Variants in DTNA observed in about 807,000 individuals in gnomAD.
The protein encoded by DTNA is dystrobrevin alpha.
DTNA carries 43 observed loss-of-function variants against 100.7 expected under a neutral mutation model. The observed-to-expected ratio is 0.43, with a 90% CI of 0.33 to 0.55. The LOEUF (loss-of-function observed/expected upper bound fraction) is 0.55, where lower values mean the gene tolerates loss of function less well. Ranked by LOEUF, DTNA falls within the 20% of genes least tolerant of loss-of-function variation. The probability of loss-of-function intolerance (pLI) is 0.04; values close to 1 mark genes in which losing one functional copy is unlikely to be tolerated. For missense variants in DTNA, 798 were observed against 953.9 expected (o/e 0.84, Z 2.15); for synonymous variants, 349 against 347.9 (o/e 1.00, Z -0.04).
At chr18:34,753,103 A>G (rs1193978143) in intron 1 of DTNA, among the ~76,000 whole-genome samples, 3 of 152,108 alleles carry the variant, frequency 2.0e-5, no homozygotes, top group Non-Finnish European at 2.9e-5. Context: ...TTCAATAAAT[A>G]CTAGCTGGCC....
intron 1 of DTNA, among the ~76,000 whole-genome samples, chr18:34,590,909 C>G (rs1173514040): frequency 6.6e-6 from 1 of 152,148 alleles, no homozygotes; most frequent in African/African-American, 2.4e-5. Flanking sequence ...TGCATCTGGA[C>G]TAATGTTCCT....
chr18:34,712,397 GA>G (rs201456085), intron 1 of DTNA, among the ~76,000 whole-genome samples: 26 of 151,600 alleles, frequency 1.7e-4, no homozygotes, highest in African/African-American at 6.1e-4. Context: ...TAAATAAAAT[GA>G]AAAAAAATCT....
At chr18:34,838,615 C>A in intron 12 of DTNA, 130 bp from the exon 13 acceptor site, 1 of 762,958 alleles carries the variant, frequency 1.3e-6, no homozygotes. Flanking sequence ...TAGCACATCA[C>A]TTACTACCCT....
rs745984418 is a variant in DTNA, at chr18:34,890,347, C to T, written c.*2613C>T. 1.7e-5 allele frequency: 26 copies of T among 1,536,050 alleles called. No individual in the cohort carries two copies. Among genetic ancestry groups the T allele is most frequent in the East Asian group, 4.9e-5 (2 of 40,912 alleles). ...GACTCGAGCACCCCTGTCCTGTAAG[C>T]GAGACAAAATGGCGTGTGTTATTTT... On this transcript the variant is annotated 3_prime_UTR_variant, in exon 23 of 23. Coordinates refer to ENST00000444659, the MANE Select transcript of DTNA (RefSeq NM_001386795.1).
At chr18:34,642,464 C>T (rs1211023115) in intron 1 of DTNA, among the ~76,000 whole-genome samples, 1 of 152,182 alleles carries the variant, frequency 6.6e-6, no homozygotes, top group Non-Finnish European at 1.5e-5. Flanking sequence ...TCACATTCCA[C>T]TTTACTTCAG....
chr18:34,729,752 T>C (rs896950443), intron 1 of DTNA, among the ~76,000 whole-genome samples: 3 of 151,994 alleles, frequency 2.0e-5, no homozygotes, highest in East Asian at 1.9e-4. Flanking sequence ...AAAGAAAAGA[T>C]GGAAGATGGG....
chr18:34,581,890 G>A (rs1310604148), intron 1 of DTNA, among the ~76,000 whole-genome samples: 1 of 152,052 alleles, frequency 6.6e-6, no homozygotes, highest in Non-Finnish European at 1.5e-5. Context: ...CCAAAGTGCT[G>A]GGATTATAGG....
chr18:34,526,460 C>T (rs1435983792), intron 1 of DTNA, among the ~76,000 whole-genome samples: 2 of 151,952 alleles, frequency 1.3e-5, no homozygotes, highest in Non-Finnish European at 1.5e-5. Flanking sequence ...AATGATGGTA[C>T]CTCTATCAAG....
intron 1 of DTNA, among the ~76,000 whole-genome samples, chr18:34,642,680 TC>T (rs1391912471): frequency 1.9e-4 from 29 of 152,028 alleles, no homozygotes; most frequent in Non-Finnish European, 1.5e-5. Context: ...TGCCTTAGCC[TC>T]CCGAGTAGCT....
chr18:34,708,318 A>G (rs149332315), upstream of DTNA: 19 of 152,342 alleles, frequency 1.2e-4, no homozygotes, highest in South Asian at 2.5e-3. Context: ...AATGTAATCT[A>G]TGTATATAAT....
At chr18:34,631,728 T>A (rs1415812826) in intron 1 of DTNA, among the ~76,000 whole-genome samples, 2 of 152,200 alleles carry the variant, frequency 1.3e-5, no homozygotes, top group African/African-American at 2.4e-5. Flanking sequence ...AAGGAACTGT[T>A]ACCACATGGA....
At position 34,827,607 on chromosome 18, in the gene DTNA, T is replaced by C. The variant is rs903025786; in HGVS notation, c.1016T>C (p.Val339Ala). The C allele has an allele frequency of 6.2e-7, 1 of 1,613,948 alleles. No individual in the cohort carries two copies. Among genetic ancestry groups the C allele is most frequent in the Non-Finnish European group, 8.5e-7 (1 of 1,179,834 alleles). Residue 339 changes from valine (V) to alanine (A), a missense_variant, in exon 10 of 23, where the codon GTA (valine) becomes GCA (alanine). Val to Ala is a moderately conservative substitution (Grantham distance 64). Around this residue, in one of 6 missense-constraint regions of DTNA, gnomAD observed 93 missense variants for 90.5 expected, o/e 1.03. Coordinates refer to ENST00000444659, the MANE Select transcript of DTNA (RefSeq NM_001386795.1). ...NLAHIVPPRPVTSMNDTLFSH... is the reference protein window; with the variant it reads ...NLAHIVPPRPATSMNDTLFSH... ...TTTTGTTTTAGGCCTCCCAGACCTG[T>C]AACCAGCATGAACGACACCCTGTTC...
intron 13 of DTNA, among the ~76,000 whole-genome samples, chr18:34,839,117 T>G (rs2096215547): frequency 6.6e-6 from 1 of 152,138 alleles, no homozygotes; most frequent in South Asian, 2.1e-4. Flanking sequence ...GGACTCCGGG[T>G]CCCACCAATC....
At chr18:34,758,117 G>T (rs1391201644) in intron 2 of DTNA, among the ~76,000 whole-genome samples, 1 of 152,102 alleles carries the variant, frequency 6.6e-6, no homozygotes, top group Non-Finnish European at 1.5e-5. Flanking sequence ...TGTGTTAAAT[G>T]GTTGAAAAAT....
chr18:34,651,220 A>C (rs2060403607), intron 1 of DTNA, among the ~76,000 whole-genome samples: 1 of 152,224 alleles, frequency 6.6e-6, no homozygotes, highest in Non-Finnish European at 1.5e-5. Context: ...GTTTTTGTAA[A>C]AATGGCCACA....
chr18:34,865,541 C>T (rs1261621652), intron 17 of DTNA, among the ~76,000 whole-genome samples: 1 of 152,162 alleles, frequency 6.6e-6, no homozygotes, highest in Non-Finnish European at 1.5e-5. Flanking sequence ...TAGATATGTA[C>T]AGTGTAGAAT....
chr18:34,761,823 C>T (rs1362551927), intron 2 of DTNA, among the ~76,000 whole-genome samples: 1 of 151,924 alleles, frequency 6.6e-6, no homozygotes, highest in Non-Finnish European at 1.5e-5. Flanking sequence ...TAGTATGAAG[C>T]AAAACTAATA....
At chr18:34,693,937 A>G (rs544841547) in intron 1 of DTNA, among the ~76,000 whole-genome samples, 1 of 152,318 alleles carries the variant, frequency 6.6e-6, no homozygotes, top group South Asian at 2.1e-4. Flanking sequence ...AAACAGTGCA[A>G]TCCTTAAACA....
At chr18:34,833,642 A>G (rs143021568) in intron 11 of DTNA, among the ~76,000 whole-genome samples, 183 of 152,304 alleles carry the variant, frequency 1.2e-3, no homozygotes, top group African/African-American at 4.2e-3. Flanking sequence ...ACCATCAGTG[A>G]TAATATGTAT....
Sources: gnomAD v4.1 joint callset for allele counts (sites outside exome capture counted in the v4.1 genomes callset) on GRCh38, gnomAD v4.1.1 for gene constraint, gnomAD v4.1.1 regional missense constraint, MANE v1.5 for transcripts, NCBI Gene and HGNC (gene_info 2026-07-23, HGNC 2026-07-21) for gene names.